CHD2: variants seen among roughly 807,000 people sequenced by gnomAD.
CHD2 encodes the protein chromodomain helicase DNA binding protein 2, also known as ATP-dependent chromatin remodeler CHD2.
In CHD2, 28 loss-of-function variants were observed where a neutral mutation model predicts 243.9. That is an observed-to-expected ratio of 0.11 (90% CI 0.09 to 0.16). CHD2 has a LOEUF of 0.16. Among genes scored for constraint, CHD2 ranks in the 10% least tolerant of loss-of-function variants. CHD2 has a pLI of 1.00. For synonymous variants in CHD2, 775 were observed against 779.0 expected, an observed-to-expected ratio of 0.99 and a Z score of 0.09; for missense variants, 1,386 against 2,209.8, an observed-to-expected ratio of 0.63 and a Z score of 7.47.
At chr15:92,984,554 A>T in intron 25 of CHD2, 54 bp downstream of exon 25, 1 of 1,499,338 alleles carries the variant, frequency 6.7e-7, no homozygotes, top group East Asian at 2.4e-5. Flanking sequence ...TGAATGCTAC[A>T]GAAGTGTTGA....
At chr15:92,984,166 G>T (rs75444941) in intron 24 of CHD2, among the ~76,000 whole-genome samples, 164 bp from the exon 25 acceptor site, 1 of 152,110 alleles carries the variant, frequency 6.6e-6, no homozygotes, top group East Asian at 1.9e-4. Flanking sequence ...TGATTTTTGG[G>T]GGTATAAAGG....
intron 5 of CHD2, among the ~76,000 whole-genome samples, chr15:92,936,563 A>G (rs1422826301): frequency 1.3e-5 from 2 of 152,202 alleles, no homozygotes; most frequent in African/African-American, 4.8e-5. Context: ...CAAGCCTTCT[A>G]AGAATTCAAG....
chr15:92,926,775 A>G (rs983222970), intron 3 of CHD2, among the ~76,000 whole-genome samples: 1 of 152,226 alleles, frequency 6.6e-6, no homozygotes, highest in African/African-American at 2.4e-5. Context: ...GGGATGTTAC[A>G]TGACCTGAGG....
Position 93,014,845 on chromosome 15 carries a change from A to G in CHD2, c.4842A>G (p.Pro1614=). The G allele has an allele frequency of 3.7e-6, 6 of 1,614,170 alleles. No individual in the cohort carries two copies. The highest frequency in any genetic ancestry group is 5.1e-6 in the Non-Finnish European group (6 of 1,180,042). Residue 1614 remains proline (P), a synonymous_variant, in exon 37 of 39, where the codon CCA becomes CCG. Transcript: ENST00000394196. ...QKPHLPASHG[P]QMHGHPRDNY... Reference sequence around the variant, plus strand: ...CTCATTTGCCTGCCTCCCATGGCCCACAGATGCATGGACACCCAAGAGATA... The same window carrying G: ...CTCATTTGCCTGCCTCCCATGGCCCGCAGATGCATGGACACCCAAGAGATA...
At chr15:92,935,861 C>A (rs1380584336) in intron 5 of CHD2, among the ~76,000 whole-genome samples, 1 of 152,112 alleles carries the variant, frequency 6.6e-6, no homozygotes. Context: ...GCAATACTAA[C>A]AGGCCTTTCT....
chr15:92,998,940 C>T lies in CHD2; in HGVS notation c.4008+319C>T, dbSNP rs750707464. On this transcript the variant is annotated intron_variant, in intron 31 of 38. Coordinates refer to ENST00000394196, the MANE Select transcript of CHD2 (RefSeq NM_001271.4). The surrounding 1 kb of genome is among the most constrained non-coding windows in gnomAD (Gnocchi z 5.1). ...CTACTAAAAATACAAAAAAATTAGC[C>T]GGGCGTGGTGGCACACGCCTGTAAT... Among the ~76,000 whole-genome samples the T allele has an allele frequency of 1.6e-4, 24 of 151,782 alleles. No individual in the cohort carries two copies. Among genetic ancestry groups the T allele is most frequent in the Admixed American group, 3.3e-4 (5 of 15,230 alleles).
chr15:92,921,649 G>A (rs535459939), intron 2 of CHD2, among the ~76,000 whole-genome samples: 1 of 152,282 alleles, frequency 6.6e-6, no homozygotes, highest in South Asian at 2.1e-4. Flanking sequence ...GGTGTTAGCT[G>A]GGGAGAATTT....
intron 4 of CHD2, among the ~76,000 whole-genome samples, chr15:92,928,330 T>C (rs2053102693): frequency 6.6e-6 from 1 of 152,230 alleles, no homozygotes; most frequent in Non-Finnish European, 1.5e-5. Flanking sequence ...CTCTTTTACA[T>C]ATTAATTAAC....
chr15:93,008,118 C>T (rs972425074), intron 34 of CHD2, among the ~76,000 whole-genome samples: 12 of 152,174 alleles, frequency 7.9e-5, no homozygotes, highest in African/African-American at 2.4e-4. Context: ...TCCTCTGGGG[C>T]GGTCACATTT....
chr15:92,953,583 CA>C lies in CHD2; in HGVS notation c.1719+15del. On this transcript the variant is annotated intron_variant, in intron 14 of 38. Transcript: ENST00000394196. ...GATGAGCAGAAATACGGTGTGTAAACAAAAAGAGCTGGGTTAGAATCTGTGT... is the reference window on the plus strand; with the variant it reads ...GATGAGCAGAAATACGGTGTGTAAACAAAAGAGCTGGGTTAGAATCTGTGT... 6.2e-7 allele frequency: 1 copy of C among 1,609,012 alleles called. No individual in the cohort carries two copies. Among genetic ancestry groups the C allele is most frequent in the Non-Finnish European group, 8.5e-7 (1 of 1,175,652 alleles).
intron 13 of CHD2, among the ~76,000 whole-genome samples, chr15:92,949,413 G>A (rs1315365475): frequency 6.6e-6 from 1 of 152,188 alleles, no homozygotes; most frequent in Non-Finnish European, 1.5e-5. Context: ...GAGTTACTCA[G>A]AAGAAAGAAG....
chr15:93,003,531 G>T (rs1202079546), intron 33 of CHD2, among the ~76,000 whole-genome samples: 1 of 149,314 alleles, frequency 6.7e-6, no homozygotes, highest in African/African-American at 2.5e-5. Flanking sequence ...CCACTCTCCA[G>T]ATACCACAAC....
At chr15:92,935,038 C>CTTT (rs35542698) in intron 5 of CHD2, among the ~76,000 whole-genome samples, 1 of 138,690 alleles carries the variant, frequency 7.2e-6, no homozygotes, top group Non-Finnish European at 1.6e-5. Flanking sequence ...TTCTTTCTTT[C>CTTT]TTTTTTTTTT....
At chr15:92,949,346 T>TG in intron 13 of CHD2, 2 of 697,408 alleles carry the variant, frequency 2.9e-6, no homozygotes, top group Non-Finnish European at 4.0e-6. Flanking sequence ...TGTATCATCA[T>TG]ATGTTACTCA....
intron 34 of CHD2, among the ~76,000 whole-genome samples, chr15:93,007,613 A>T (rs983849131): frequency 5.9e-5 from 9 of 152,160 alleles, no homozygotes; most frequent in African/African-American, 2.2e-4. Context: ...CATGTGTCTT[A>T]CTTAGTTCAT....
In CHD2 at chr15:92,972,235, T is replaced by C. The variant is rs748202362; in HGVS notation, c.2353-30T>C. ...GAAGATTAAAATTTGTGTTTCAACA[T>C]AATTATTGGAATGTCTTTTAAATCT... On this transcript the variant is annotated intron_variant, in intron 18 of 38. Coordinates refer to ENST00000394196, the MANE Select transcript of CHD2 (RefSeq NM_001271.4). 3 of 1,593,534 alleles carry C rather than the reference T, an allele frequency of 1.9e-6. No individual in the cohort carries two copies. The East Asian group carries it at 6.7e-5, about 36-fold the overall frequency.
intron 9 of CHD2, 89 bp from the exon 10 acceptor site, chr15:92,944,326 T>G: frequency 3.1e-6 from 2 of 646,226 alleles, no homozygotes; most frequent in Non-Finnish European, 5.4e-6. Flanking sequence ...AAAAATAGGT[T>G]TTCTTTTCCA....
chr15:92,948,858 T>G, intron 12 of CHD2, 94 bp from the exon 13 acceptor site: 1 of 1,425,056 alleles, frequency 7.0e-7, no homozygotes, highest in Non-Finnish European at 9.6e-7. Flanking sequence ...AATTTGAGTT[T>G]TTATGCTTTG....
At chr15:92,986,023 A>G (rs925676267) in intron 26 of CHD2, among the ~76,000 whole-genome samples, 1 of 152,186 alleles carries the variant, frequency 6.6e-6, no homozygotes, top group African/African-American at 2.4e-5. Flanking sequence ...AAATGGTACA[A>G]ATAAGTCTAC....
Sources: gnomAD v4.1 joint callset for allele counts (sites outside exome capture counted in the v4.1 genomes callset) on GRCh38, gnomAD v4.1.1 for gene constraint, Gnocchi (gnomAD v3.1) non-coding constraint, MANE v1.5 for transcripts, NCBI Gene and HGNC (gene_info 2026-07-23, HGNC 2026-07-21) for gene names.